The following NCAM1 variants were observed in gnomAD, a reference collection of about 807,000 sequenced individuals.
The protein encoded by NCAM1 is neural cell adhesion molecule 1.
Under a neutral mutation model 109.8 loss-of-function variants are expected in NCAM1, and 14 were observed. That is an observed-to-expected ratio of 0.13 (90% CI 0.08 to 0.20). The LOEUF (loss-of-function observed/expected upper bound fraction) is 0.20, where lower values mean the gene tolerates loss of function less well. NCAM1 is among the 10% of genes least tolerant of loss of function. NCAM1 has a pLI of 1.00. For synonymous variants in NCAM1, 418 were observed against 442.9 expected (o/e 0.94, Z 0.70); for missense variants, 774 against 1,109.9 (o/e 0.70, Z 4.30).
At chr11:112,967,270 C>T (rs1360159490) in intron 1 of NCAM1, among the ~76,000 whole-genome samples, 1 of 152,176 alleles carries the variant, frequency 6.6e-6, no homozygotes, top group Non-Finnish European at 1.5e-5. Flanking sequence ...ATAGTAATGT[C>T]ACACTGTTTG....
At position 112,961,492 on chromosome 11, in the gene NCAM1, T is replaced by A. The variant is rs538563752; in HGVS notation, c.-121T>A. 2 of 797,114 alleles carry A rather than the reference T, an allele frequency of 2.5e-6. No individual in the cohort carries two copies. Among genetic ancestry groups the A allele is most frequent in the Non-Finnish European group, 4.6e-6 (2 of 434,102 alleles). 49.4% of individuals were successfully genotyped at this position (797,114 alleles called of 1,614,324 possible). A position where few individuals can be genotyped will look rare whatever the true frequency, so the allele number is the denominator to read the frequency against. ...GGAAACAATTCTGCAAAAATAATCA[T>A]ACTCAGCCTGGCAATTGTCTGCCCC... On this transcript the variant is annotated 5_prime_UTR_variant, in exon 1 of 20. Transcript: ENST00000316851.
intron 1 of NCAM1, among the ~76,000 whole-genome samples, chr11:113,128,954 C>T (rs537655274): frequency 7.4e-5 from 11 of 149,144 alleles, no homozygotes; most frequent in Admixed American, 4.7e-4. Context: ...TGTGTGCATG[C>T]GTGCAGGCAC....
rs557049115 is a variant in NCAM1 at position 113,026,815 on chromosome 11, A to T, written c.52+65151A>T. Among the ~76,000 whole-genome samples, 3 of 152,308 alleles carry T rather than the reference A, an allele frequency of 2.0e-5. No homozygotes were observed. In the East Asian group the frequency reaches 5.8e-4, roughly 29 times the overall value. On this transcript the variant is annotated intron_variant, in intron 1 of 19. Coordinates refer to ENST00000316851, the MANE Select transcript of NCAM1 (RefSeq NM_181351.5). The stretch of plus-strand genomic sequence containing the variant: ...GTACATTATAGCCATGCTGAGCTGG[A>T]CGTTTTAATCTCTATTTTATAGCTG...
At chr11:113,182,697 G>C (rs1177287395) in intron 1 of NCAM1, among the ~76,000 whole-genome samples, 16 of 152,218 alleles carry the variant, frequency 1.1e-4, no homozygotes, top group Admixed American at 6.5e-5. Context: ...CTGTGTTCTG[G>C]GTGGACTGTC....
intron 7 of NCAM1, among the ~76,000 whole-genome samples, chr11:113,212,508 G>C (rs1225488870): frequency 6.6e-6 from 1 of 152,164 alleles, no homozygotes; most frequent in Non-Finnish European, 1.5e-5. Flanking sequence ...CGCAGGTCAG[G>C]AGAAGGTCAG....
intron 1 of NCAM1, among the ~76,000 whole-genome samples, chr11:113,179,648 C>T (rs144967818): frequency 6.6e-6 from 1 of 152,310 alleles, no homozygotes; most frequent in East Asian, 1.9e-4. Flanking sequence ...TCTATCAACG[C>T]TTGGGTCATT....
chr11:113,099,566 AC>A (rs1168546431), intron 1 of NCAM1, among the ~76,000 whole-genome samples: 1 of 152,250 alleles, frequency 6.6e-6, no homozygotes, highest in Non-Finnish European at 1.5e-5. Context: ...AAAGGAGCTG[AC>A]AAAAATGAGC....
intron 9 of NCAM1, among the ~76,000 whole-genome samples, chr11:113,228,025 G>C (rs1325813292): frequency 6.6e-6 from 1 of 152,176 alleles, no homozygotes; most frequent in Admixed American, 6.5e-5. Flanking sequence ...ACTGGCATAA[G>C]ACAGGGATGC....
intron 1 of NCAM1, among the ~76,000 whole-genome samples, chr11:113,191,614 C>T (rs1163962604): frequency 1.3e-5 from 2 of 152,006 alleles, no homozygotes; most frequent in Non-Finnish European, 2.9e-5. Flanking sequence ...GTTTGTTTGT[C>T]AAATAGGATA....
intron 14 of NCAM1, among the ~76,000 whole-genome samples, chr11:113,235,673 A>G (rs1280752994): frequency 2.0e-5 from 3 of 152,224 alleles, no homozygotes; most frequent in Non-Finnish European, 4.4e-5. Flanking sequence ...AGCAAAGCCA[A>G]GGGGAAGAGG....
intron 1 of NCAM1, among the ~76,000 whole-genome samples, chr11:113,034,967 C>A (rs1952824739): frequency 1.3e-5 from 2 of 152,108 alleles, no homozygotes; most frequent in Non-Finnish European, 2.9e-5. Context: ...CTGTTAATAA[C>A]CTTGAATCAA....
intron 1 of NCAM1, among the ~76,000 whole-genome samples, chr11:113,084,872 G>A (rs1370804623): frequency 6.6e-6 from 1 of 152,204 alleles, no homozygotes; most frequent in Non-Finnish European, 1.5e-5. Context: ...AGAATGAAAT[G>A]AATTAATCCA....
intron 1 of NCAM1, among the ~76,000 whole-genome samples, chr11:113,009,815 A>C (rs1952000028): frequency 6.6e-6 from 1 of 152,198 alleles, no homozygotes; most frequent in Non-Finnish European, 1.5e-5. Flanking sequence ...ATGACAATGC[A>C]GAAGGGACTA....
intron 1 of NCAM1, 47 bp from the exon 2 acceptor site, chr11:113,202,332 G>GTT (rs112087457): frequency 3.0e-4 from 414 of 1,383,010 alleles, no homozygotes; most frequent in East Asian, 4.9e-4. Context: ...AACTTTGTGG[G>GTT]TTTTTTTTTG....
chr11:113,204,543 C>A, intron 3 of NCAM1, 39 bp downstream of exon 3: 2 of 1,593,874 alleles, frequency 1.3e-6, no homozygotes, highest in South Asian at 1.1e-5. Context: ...TCTGGCCTCT[C>A]CTTGCCAAGG....
Position 113,093,943 on chromosome 11 carries a change from G to T in NCAM1, c.53-108436G>T, listed in dbSNP as rs143044844. Among the ~76,000 whole-genome samples the T allele has an allele frequency of 2.2e-3, 338 of 152,310 alleles. 3 individuals are homozygous for T. The highest frequency in any genetic ancestry group is 0.017 in the Middle Eastern group (5 of 294). ...AAGCTGCAGTGTGCTGTGCTTCTCT[G>T]CAGGAGCTCCCCTTCAACTCCCACC... On this transcript the variant is annotated intron_variant, in intron 1 of 19. Transcript: ENST00000316851.
At chr11:113,094,508 A>G (rs1939503204) in intron 1 of NCAM1, among the ~76,000 whole-genome samples, 1 of 151,978 alleles carries the variant, frequency 6.6e-6, no homozygotes, top group Non-Finnish European at 1.5e-5. Flanking sequence ...TGCTTGTGAA[A>G]CCTTAAGGCT....
chr11:113,277,094 G>A lies in NCAM1; in HGVS notation c.*1707G>A, dbSNP rs1946411465. The A allele has an allele frequency of 2.8e-6, 1 of 352,480 alleles. No homozygotes were observed. The highest frequency in any genetic ancestry group is 5.1e-6 in the Non-Finnish European group (1 of 197,144). The allele number at this position is 352,480 out of a possible 1,614,324, so 21.8% of individuals were successfully genotyped here. ...CTTTTAACAAAGAAAATGAAATACA[G>A]ATGATGATGATGATGATGAAGATGA... On this transcript the variant is annotated 3_prime_UTR_variant, in exon 20 of 20. Transcript: ENST00000316851.
chr11:113,087,697 G>A (rs1555088532), intron 1 of NCAM1, among the ~76,000 whole-genome samples: 1 of 152,146 alleles, frequency 6.6e-6, no homozygotes. Flanking sequence ...TGTTCTTCTT[G>A]ATCACTTAGG....
Sources: gnomAD v4.1 joint callset for allele counts (sites outside exome capture counted in the v4.1 genomes callset) on GRCh38, gnomAD v4.1.1 for gene constraint, MANE v1.5 for transcripts, NCBI Gene and HGNC (gene_info 2026-07-23, HGNC 2026-07-21) for gene names.